The following EHMT1 variants were observed in gnomAD, a reference collection of about 807,000 sequenced individuals.
EHMT1 encodes euchromatic histone lysine methyltransferase 1.
In EHMT1, 15 loss-of-function variants were observed where a neutral mutation model predicts 147.2. The observed-to-expected ratio is 0.10, with a 90% CI of 0.07 to 0.16. The LOEUF (loss-of-function observed/expected upper bound fraction) is 0.16. Among genes scored for constraint, EHMT1 ranks in the 10% least tolerant of loss-of-function variants. The pLI is 1.00. For missense variants in EHMT1, 1,587 were observed against 1,772.4 expected (o/e 0.90, Z 1.88); for synonymous variants, 795 against 709.6 (o/e 1.12, Z -1.91).
chr9:137,722,838 G>A (rs1317878997), intron 3 of EHMT1, among the ~76,000 whole-genome samples: 3 of 152,262 alleles, frequency 2.0e-5, no homozygotes, highest in Non-Finnish European at 4.4e-5. Flanking sequence ...GTGCCCCCCT[G>A]TGCCCAGGGT....
rs1197377224 is a variant in EHMT1 at position 137,782,476 on chromosome 9, G to A, written c.2382+79G>A. 43 of 1,373,096 alleles carry A rather than the reference G, an allele frequency of 3.1e-5. No homozygotes were observed. The highest frequency in any genetic ancestry group is 5.7e-5 in the African/African-American group (4 of 69,580). 85.1% of individuals were successfully genotyped at this position (1,373,096 alleles called of 1,614,324 possible). ...ACCAAAGTAAAATCATACCACGTTCGCGGTTCTTCCAGTGTAAGAGTTCCG... is the reference window on the plus strand; with the variant it reads ...ACCAAAGTAAAATCATACCACGTTCACGGTTCTTCCAGTGTAAGAGTTCCG... On this transcript the variant is annotated intron_variant, in intron 15 of 26. Coordinates refer to ENST00000460843, the MANE Select transcript of EHMT1 (RefSeq NM_024757.5). This position sits in a 1 kb window ranked among gnomAD's most constrained non-coding sequence, Gnocchi z 5.7.
At position 137,743,366 on chromosome 9, in the gene EHMT1, T is replaced by A; in HGVS notation, c.824-5T>A. On this transcript the variant is annotated splice_polypyrimidine_tract_variant and splice_region_variant and intron_variant, in intron 4 of 26. Transcript: ENST00000460843. Reference sequence around the variant, plus strand: ...TCCCCTTTTGACTTTTTTTTTTTTTTTTAGCTTGCTTGCCTTTTGTTTTAG... The same window carrying A: ...TCCCCTTTTGACTTTTTTTTTTTTTATTAGCTTGCTTGCCTTTTGTTTTAG... The A allele has an allele frequency of 6.3e-7, 1 of 1,588,412 alleles. No homozygotes were observed. Among genetic ancestry groups the A allele is most frequent in the African/African-American group, 1.4e-5 (1 of 73,646 alleles).
chr9:137,669,236 C>T (rs1390006148), intron 1 of EHMT1, among the ~76,000 whole-genome samples: 1 of 152,010 alleles, frequency 6.6e-6, no homozygotes, highest in Non-Finnish European at 1.5e-5. Flanking sequence ...CCCTCTCGCA[C>T]CCTGCACCCT....
chr9:137,799,765 C>T (rs1369256949), intron 17 of EHMT1, among the ~76,000 whole-genome samples: 1 of 152,244 alleles, frequency 6.6e-6, no homozygotes, highest in African/African-American at 2.4e-5. Context: ...GTGGCAGCGT[C>T]CCCATGGGCT....
intron 4 of EHMT1, 145 bp from the exon 5 acceptor site, chr9:137,743,226 C>T: frequency 1.1e-6 from 1 of 918,872 alleles, no homozygotes; most frequent in Admixed American, 2.5e-5. Context: ...GTGCTGATGA[C>T]CTGCGGGCAG....
intron 18 of EHMT1, 144 bp from the exon 19 acceptor site, chr9:137,811,317 C>G (rs1476226853): frequency 1.8e-6 from 2 of 1,104,206 alleles, no homozygotes; most frequent in Admixed American, 1.9e-5. Flanking sequence ...ACCTGTGGCA[C>G]CCTTTCCACC....
chr9:137,806,467 C>T (rs1953956731), intron 18 of EHMT1, among the ~76,000 whole-genome samples: 2 of 151,354 alleles, frequency 1.3e-5, no homozygotes, highest in South Asian at 4.2e-4. Context: ...TGGAGTTTTG[C>T]TCTTTCACCC....
At position 137,813,535 on chromosome 9, in the gene EHMT1, G is replaced by A. The variant is rs377628279; in HGVS notation, c.3180+5G>A. 19 of 1,613,620 alleles carry A rather than the reference G, an allele frequency of 1.2e-5. No homozygotes were observed. The highest frequency in any genetic ancestry group is 1.5e-5 in the Non-Finnish European group (18 of 1,180,028). ...AGAAATATCACTCATCTGCAGGTGA[G>A]TGACGGCAGATGAAGGGCTGACTCA... On this transcript the variant is annotated splice_donor_5th_base_variant and intron_variant, in intron 21 of 26. Transcript: ENST00000460843. The surrounding 1 kb of genome is among the most constrained non-coding windows in gnomAD (Gnocchi z 4.9).
chr9:137,777,494 T>A (rs1337653649), intron 12 of EHMT1: 1 of 258,798 alleles, frequency 3.9e-6, no homozygotes, highest in African/African-American at 2.2e-5. Flanking sequence ...ATAAAGAAAA[T>A]AAACTTCCTT....
At chr9:137,804,896 T>C (rs1417526400) in intron 18 of EHMT1, among the ~76,000 whole-genome samples, 1 of 152,246 alleles carries the variant, frequency 6.6e-6, no homozygotes, top group Non-Finnish European at 1.5e-5. Flanking sequence ...GTGAGTCAGT[T>C]ACCCATGTGT....
At chr9:137,718,118 AT>A (rs1423772620) in intron 3 of EHMT1, among the ~76,000 whole-genome samples, 32 of 140,162 alleles carry the variant, frequency 2.3e-4, no homozygotes, top group African/African-American at 8.5e-4. Flanking sequence ...CACCGTGATG[AT>A]TTTCACACAC....
In EHMT1 at chr9:137,731,501, C is replaced by T. The variant is rs1045072322; in HGVS notation, c.823+2972C>T. 1.3e-5 allele frequency among the ~76,000 whole-genome samples: 2 copies of T among 152,220 alleles called. No homozygotes were observed. The highest frequency in any genetic ancestry group is 2.1e-4 in the South Asian group (1 of 4,806). On this transcript the variant is annotated intron_variant, in intron 4 of 26. Coordinates refer to ENST00000460843, the MANE Select transcript of EHMT1 (RefSeq NM_024757.5). This position sits in a 1 kb window ranked among gnomAD's most constrained non-coding sequence, Gnocchi z 4.3. ...GGAGGAGTCCCCTGTTAACTGTCCC[C>T]GGGGGTGCAGAGTCCACTTATCGGG... is the stretch of plus-strand genomic sequence containing the variant.
At chr9:137,819,711 G>A (rs999068297) in intron 25 of EHMT1, among the ~76,000 whole-genome samples, 11 of 151,816 alleles carry the variant, frequency 7.2e-5, no homozygotes, top group Admixed American at 5.9e-4. Flanking sequence ...GTGTGTTCTC[G>A]GTGACTGAGT....
At chr9:137,779,943 T>G (rs1008690712) in intron 14 of EHMT1, among the ~76,000 whole-genome samples, 16 of 152,248 alleles carry the variant, frequency 1.1e-4, no homozygotes, top group African/African-American at 3.1e-4. Flanking sequence ...TCTACGAAGT[T>G]CTAATTTTTA....
chr9:137,750,409 A>G (rs972827354), intron 6 of EHMT1, among the ~76,000 whole-genome samples: 2 of 152,216 alleles, frequency 1.3e-5, no homozygotes, highest in African/African-American at 2.4e-5. Flanking sequence ...ACAAACCACA[A>G]TATCAGACCT....
chr9:137,664,128 C>T (rs1369446133), intron 1 of EHMT1, among the ~76,000 whole-genome samples: 9 of 152,008 alleles, frequency 5.9e-5, no homozygotes, highest in Admixed American at 2.6e-4. Context: ...TGGCCTTGGA[C>T]TCCTGGGCTC....
At chr9:137,687,410 A>C (rs1942551731) in intron 1 of EHMT1, among the ~76,000 whole-genome samples, 1 of 152,126 alleles carries the variant, frequency 6.6e-6, no homozygotes, top group African/African-American at 2.4e-5. Context: ...CAGTTTAGGT[A>C]GAGTTTAGGT....
chr9:137,638,999 T>C (rs1235608393), intron 1 of EHMT1, among the ~76,000 whole-genome samples: 1 of 152,222 alleles, frequency 6.6e-6, no homozygotes, highest in South Asian at 2.1e-4. Context: ...TATTGTTACA[T>C]GTGTCCTAGG....
intron 1 of EHMT1, among the ~76,000 whole-genome samples, chr9:137,686,976 G>A (rs1323463666): frequency 6.6e-6 from 1 of 152,012 alleles, no homozygotes; most frequent in African/African-American, 2.4e-5. Flanking sequence ...TGATCCACCC[G>A]CCTCGGCCTC....
Sources: gnomAD v4.1 joint callset for allele counts (sites outside exome capture counted in the v4.1 genomes callset) on GRCh38, gnomAD v4.1.1 for gene constraint, Gnocchi (gnomAD v3.1) non-coding constraint, MANE v1.5 for transcripts, NCBI Gene and HGNC (gene_info 2026-07-23, HGNC 2026-07-21) for gene names.